The following TAF2 variants were observed in gnomAD, a reference collection of about 807,000 sequenced individuals.
TAF2 encodes transcription initiation factor TFIID subunit 2.
TAF2 carries 61 observed loss-of-function variants against 138.5 expected under a neutral mutation model. That is an observed-to-expected ratio of 0.44 (90% CI 0.36 to 0.54). The LOEUF (loss-of-function observed/expected upper bound fraction) is 0.54. Among genes scored for constraint, TAF2 ranks in the 20% least tolerant of loss-of-function variants. The pLI, the probability that TAF2 is intolerant of heterozygous loss-of-function variation, is 0.00. For missense variants in TAF2, 1,090 were observed against 1,427.9 expected, an observed-to-expected ratio of 0.76 and a Z score of 3.81; for synonymous variants, 475 against 469.9, an observed-to-expected ratio of 1.01 and a Z score of -0.14.
In TAF2 at chr8:119,780,658, G is replaced by A. The variant is rs541563013; in HGVS notation, c.2253+395C>T. 3.0e-3 allele frequency among the ~76,000 whole-genome samples: 454 copies of A among 152,220 alleles called. 1 individual carries two copies. The highest frequency in any genetic ancestry group is 3.3e-3 in the Non-Finnish European group (223 of 68,010). On this transcript the variant is annotated intron_variant, in intron 17 of 25. Transcript: ENST00000378164. ...ATGTTTAAAAGTAAAAAAAGAGGCC[G>A]GGCGCGGTGGCTCACACCTGTAATC...
At chr8:119,789,930 T>C (rs930516903) in intron 11 of TAF2, among the ~76,000 whole-genome samples, 184 bp from the exon 12 acceptor site, 5 of 152,132 alleles carry the variant, frequency 3.3e-5, no homozygotes, top group African/African-American at 4.8e-5. Context: ...GCAGCCAGAA[T>C]ACAAAACCAT....
chr8:119,771,153 CA>C (rs1171627259), intron 18 of TAF2, among the ~76,000 whole-genome samples: 1 of 152,092 alleles, frequency 6.6e-6, no homozygotes, highest in African/African-American at 2.4e-5. Context: ...CCCTCAATGA[CA>C]AAAGACACCT....
intron 18 of TAF2, among the ~76,000 whole-genome samples, chr8:119,773,215 T>G (rs1233574793): frequency 1.3e-5 from 2 of 151,404 alleles, no homozygotes; most frequent in Admixed American, 1.4e-4. Flanking sequence ...ATAAGTAGAT[T>G]ATTCTTTTCC....
Position 119,795,522 on chromosome 8 carries a change from C to T in TAF2, c.1191+10G>A. ...ACTTGTAAGTGGATAAGGGATCTAG[C>T]TGTTATTACCTCTTTAATCCAATGG... is the stretch of plus-strand genomic sequence containing the variant. On this transcript the variant is annotated intron_variant, in intron 9 of 25. Coordinates refer to ENST00000378164, the MANE Select transcript of TAF2 (RefSeq NM_003184.4). The T allele has an allele frequency of 6.2e-7, 1 of 1,604,786 alleles. No individual in the cohort carries two copies. Among genetic ancestry groups the T allele is most frequent in the East Asian group, 2.2e-5 (1 of 44,734 alleles).
Position 119,791,359 on chromosome 8 carries a change from T to C in TAF2, c.1378A>G (p.Ile460Val), listed in dbSNP as rs1200802948. The C allele has an allele frequency of 6.8e-6, 11 of 1,613,712 alleles. No individual in the cohort carries two copies. Among genetic ancestry groups the C allele is most frequent in the Non-Finnish European group, 8.5e-6 (10 of 1,179,894 alleles). Residue 460 changes from isoleucine (I) to valine (V), a missense_variant, in exon 11 of 26, where the codon ATT (isoleucine) becomes GTT (valine). Ile to Val is a conservative substitution (Grantham distance 29, BLOSUM62 3). Around this residue, in one of 3 missense-constraint regions of TAF2, gnomAD observed 504 missense variants for 680.9 expected, o/e 0.74. Transcript: ENST00000378164. ...AATTCCATACTGATCCTATTTTCAA[T>C]CAATCTCATCACAAGGTGGGCTTTA... is the stretch of plus-strand genomic sequence containing the variant. ...QCKAHLVMRL[I>V]ENRISMEFML...
chr8:119,802,142 T>C (rs1275826131), intron 5 of TAF2, 117 bp from the exon 6 acceptor site: 1 of 872,986 alleles, frequency 1.1e-6, no homozygotes, highest in Non-Finnish European at 1.8e-6. Context: ...CTTTAGCTAT[T>C]TGGCTACTGA....
At chr8:119,794,044 C>G (rs1823640776) in intron 9 of TAF2, among the ~76,000 whole-genome samples, 2 of 152,006 alleles carry the variant, frequency 1.3e-5, no homozygotes, top group South Asian at 4.1e-4. Context: ...CCTCCCACCT[C>G]AGCCCAAGAA....
intron 18 of TAF2, among the ~76,000 whole-genome samples, chr8:119,775,712 TAATA>T (rs773547693): frequency 9.1e-4 from 138 of 151,742 alleles, no homozygotes; most frequent in Non-Finnish European, 2.5e-4. Context: ...CAAAAAAGAA[TAATA>T]AATAAATAAA....
intron 2 of TAF2, among the ~76,000 whole-genome samples, chr8:119,828,623 G>A (rs1017143723): frequency 6.6e-6 from 1 of 152,184 alleles, no homozygotes; most frequent in East Asian, 1.9e-4. Context: ...AAGGGGTGAA[G>A]AAATAAAGCA....
chr8:119,785,814 A>T (rs562009197), intron 14 of TAF2, among the ~76,000 whole-genome samples: 1 of 152,356 alleles, frequency 6.6e-6, no homozygotes, highest in Admixed American at 6.5e-5. Flanking sequence ...AAACAGGAAC[A>T]GAGAAAACTT....
At position 119,832,551 on chromosome 8, in the gene TAF2, C is replaced by A; in HGVS notation, c.14G>T (p.Gly5Val). The change falls in exon 1 of 26, where the codon GGT (glycine) becomes GTT (valine). Residue 5 changes from glycine to valine, a missense_variant. By Grantham distance (109) the Gly-to-Val change is moderately radical. Around this residue, in one of 3 missense-constraint regions of TAF2, gnomAD observed 504 missense variants for 680.9 expected, o/e 0.74. Coordinates refer to ENST00000378164, the MANE Select transcript of TAF2 (RefSeq NM_003184.4). ...CCTGTTCATTCTGGCGGGCTCTACA[C>A]CAGTCAGCGGCATGAAGCGGTCCCG... MPLT[G>V]VEPARMNRKK... The A allele has an allele frequency of 1.2e-6, 2 of 1,613,408 alleles. No individual in the cohort carries two copies. Among genetic ancestry groups the A allele is most frequent in the South Asian group, 1.1e-5 (1 of 91,078 alleles).
At chr8:119,818,732 C>CCA (rs199991010) in intron 3 of TAF2, among the ~76,000 whole-genome samples, 6,127 of 110,800 alleles carry the variant, frequency 0.055, 127 homozygotes, top group African/African-American at 0.11. Context: ...AAAATGAAGT[C>CCA]CACACACACA....
chr8:119,764,224 T>A (rs1447792178), intron 18 of TAF2, among the ~76,000 whole-genome samples: 1 of 152,174 alleles, frequency 6.6e-6, no homozygotes, highest in Non-Finnish European at 1.5e-5. Flanking sequence ...TATTAGATCA[T>A]CTATGTTTTG....
chr8:119,760,058 G>A lies in TAF2; in HGVS notation c.2698+541C>T, dbSNP rs531990083. Among the ~76,000 whole-genome samples, 138 of 151,892 alleles carry A rather than the reference G, an allele frequency of 9.1e-4. 1 individual carries two copies. Among genetic ancestry groups the A allele is most frequent in the African/African-American group, 3.1e-3 (129 of 41,452 alleles). On this transcript the variant is annotated intron_variant, in intron 20 of 25. Transcript: ENST00000378164. ...CCCCAGAGTATTCTGTTGTTTCTTG[G>A]ATTACAGCTTGTCTTCTACCTGCTC...
Position 119,801,849 on chromosome 8 carries a change from T to G in TAF2, c.737A>C (p.Asn246Thr). The G allele has an allele frequency of 6.2e-7, 1 of 1,614,192 alleles. No individual in the cohort carries two copies. Among genetic ancestry groups the G allele is most frequent in the Non-Finnish European group, 8.5e-7 (1 of 1,180,034 alleles). Residue 246 changes from asparagine (N) to threonine (T), a missense_variant, in exon 6 of 26, where the codon AAT (asparagine) becomes ACT (threonine). Transcript: ENST00000378164. ...AAATGGTCCAATGGCCAAGGAGATATTTGACGCTGCTGTAGGAATGGTAAG... is the reference window on the plus strand; with the variant it reads ...AAATGGTCCAATGGCCAAGGAGATAGTTGACGCTGCTGTAGGAATGGTAAG... ...YMLTIPTAAS[N>T]ISLAIGPFEI...
chr8:119,773,827 A>C (rs1029189326), intron 18 of TAF2, among the ~76,000 whole-genome samples: 3 of 151,676 alleles, frequency 2.0e-5, no homozygotes, highest in Non-Finnish European at 4.4e-5. Flanking sequence ...CCTTCCAAGC[A>C]CTTCCTTAGC....
chr8:119,822,046 C>A (rs1825833405), intron 2 of TAF2, among the ~76,000 whole-genome samples: 1 of 151,916 alleles, frequency 6.6e-6, no homozygotes, highest in South Asian at 2.1e-4. Flanking sequence ...GAAAAACTTA[C>A]ATGGAAAACA....
chr8:119,825,736 G>T (rs1051698299), intron 2 of TAF2, among the ~76,000 whole-genome samples: 1 of 152,144 alleles, frequency 6.6e-6, no homozygotes, highest in Non-Finnish European at 1.5e-5. Context: ...CCAGGCTGGA[G>T]GGCAGTGGTG....
chr8:119,831,650 A>T (rs373278026), intron 2 of TAF2, 27 bp downstream of exon 2: 7 of 1,560,742 alleles, frequency 4.5e-6, no homozygotes, highest in Non-Finnish European at 5.3e-6. Flanking sequence ...ACTTGTTACT[A>T]TTTATAATTG....
Sources: gnomAD v4.1 joint callset for allele counts (sites outside exome capture counted in the v4.1 genomes callset) on GRCh38, gnomAD v4.1.1 for gene constraint, gnomAD v4.1.1 regional missense constraint, MANE v1.5 for transcripts, NCBI Gene and HGNC (gene_info 2026-07-23, HGNC 2026-07-21) for gene names.